CST5: variants seen among roughly 807,000 people sequenced by gnomAD.
CST5 encodes cystatin D.
Under a neutral mutation model 11.5 loss-of-function variants are expected in CST5, and 13 were observed. The ratio of observed to expected loss-of-function variants is 1.13; its 90% CI spans 0.73 to 1.79. CST5 has a LOEUF of 1.79. Among genes scored for constraint, CST5 ranks in the 40% most tolerant of loss-of-function variants. CST5 has a pLI of 0.00. For synonymous variants in CST5, 81 were observed against 67.6 expected (o/e 1.20, Z -0.97); for missense variants, 219 against 174.5 (o/e 1.25, Z -1.44).
chr20:23,876,113 C>T lies in CST5; in HGVS notation c.*75G>A, dbSNP rs1600455920. 1.0e-5 allele frequency: 13 copies of T among 1,242,252 alleles called. No individual in the cohort carries two copies. The highest frequency in any genetic ancestry group is 5.3e-5 in the South Asian group (4 of 76,082). The allele number at this position is 1,242,252 out of a possible 1,614,324, so 77.0% of individuals were successfully genotyped here. On this transcript the variant is annotated 3_prime_UTR_variant, in exon 3 of 3. Transcript: ENST00000304710. ...AGGAGACCTCCCCCAGGGTGGGGGC[C>T]ACCAGTCCAGGGGTGGGAGCACTAC...
intron 1 of CST5, among the ~76,000 whole-genome samples, chr20:23,877,946 C>A (rs1183846353): frequency 6.6e-6 from 1 of 152,220 alleles, no homozygotes; most frequent in African/African-American, 2.4e-5. Flanking sequence ...GGGGAACCAG[C>A]CAGGGTGGGA....
Position 23,879,679 on chromosome 20 carries a change from T to C in CST5, c.-3A>G. Reference sequence around the variant, plus strand: ...GGGGTGTGCATGGGCCACATCATGTTCTACTGGGACACAGAGCAAGGAGCT... The same window carrying C: ...GGGGTGTGCATGGGCCACATCATGTCCTACTGGGACACAGAGCAAGGAGCT... On this transcript the variant is annotated 5_prime_UTR_variant, in exon 1 of 3. Coordinates refer to ENST00000304710, the MANE Select transcript of CST5 (RefSeq NM_001900.5). The C allele has an allele frequency of 6.2e-7, 1 of 1,612,004 alleles. No individual in the cohort carries two copies. Among genetic ancestry groups the C allele is most frequent in the Non-Finnish European group, 8.5e-7 (1 of 1,178,512 alleles).
intron 2 of CST5, 93 bp from the exon 3 acceptor site, chr20:23,876,364 G>T (rs1320862983): frequency 9.6e-7 from 1 of 1,037,802 alleles, no homozygotes; most frequent in Non-Finnish European, 1.5e-6. Flanking sequence ...GGTGAAAATG[G>T]TTGGAGATGA....
At chr20:23,879,008 G>A (rs1348453856) in intron 1 of CST5, among the ~76,000 whole-genome samples, 1 of 152,222 alleles carries the variant, frequency 6.6e-6, no homozygotes, top group Non-Finnish European at 1.5e-5. Context: ...TAGCCATAAC[G>A]GGCTGTGCCC....
chr20:23,879,384 TG>T (rs546504521), intron 1 of CST5, 61 bp downstream of exon 1: 7 of 1,237,400 alleles, frequency 5.7e-6, no homozygotes, highest in South Asian at 1.2e-5. Flanking sequence ...GGGAGTGCTC[TG>T]GGGGGTGAGG....
rs1001812538 is a variant in CST5 at position 23,877,736 on chromosome 20, C to A, written c.232-118G>T. 100 of 787,864 alleles carry A rather than the reference C, an allele frequency of 1.3e-4. No individual in the cohort carries two copies. In the East Asian group the frequency reaches 2.6e-3, roughly 21 times the overall value. The allele number at this position is 787,864 out of a possible 1,614,324, so 48.8% of individuals were successfully genotyped here. A position where few individuals can be genotyped will look rare whatever the true frequency, so the allele number is the denominator to read the frequency against. On this transcript the variant is annotated intron_variant, in intron 1 of 2. Transcript: ENST00000304710. ...CTGGGGCTTCATGCCCACACTGTCACCCAAAAGGCACACAAGCCACCTTCT... is the reference window on the plus strand; with the variant it reads ...CTGGGGCTTCATGCCCACACTGTCAACCAAAAGGCACACAAGCCACCTTCT...
At chr20:23,877,025 T>A (rs150745005) in intron 2 of CST5, among the ~76,000 whole-genome samples, 2 of 152,142 alleles carry the variant, frequency 1.3e-5, no homozygotes, top group African/African-American at 4.8e-5. Context: ...AACAAATTCA[T>A]CACCCCTATC....
At chr20:23,878,174 C>T (rs1986004175) in intron 1 of CST5, among the ~76,000 whole-genome samples, 1 of 152,210 alleles carries the variant, frequency 6.6e-6, no homozygotes, top group Non-Finnish European at 1.5e-5. Flanking sequence ...TGCCATTTAA[C>T]CCAGAGGTAT....
At chr20:23,879,010 G>T (rs1359179502) in intron 1 of CST5, among the ~76,000 whole-genome samples, 1 of 152,214 alleles carries the variant, frequency 6.6e-6, no homozygotes, top group Non-Finnish European at 1.5e-5. Flanking sequence ...GCCATAACGG[G>T]CTGTGCCCAG....
intron 1 of CST5, 64 bp from the exon 2 acceptor site, chr20:23,877,682 C>T: frequency 8.2e-6 from 11 of 1,349,664 alleles, no homozygotes; most frequent in South Asian, 5.1e-5. Flanking sequence ...CACGCAGGCA[C>T]TTCACTGTGA....
rs759139068 is a variant in CST5 at position 23,877,554 on chromosome 20, T to C, written c.296A>G (p.Gln99Arg). 1 of 1,614,078 alleles carries C rather than the reference T, an allele frequency of 6.2e-7. No individual in the cohort carries two copies. The highest frequency in any genetic ancestry group is 1.1e-5 in the South Asian group (1 of 91,084). ...GAAGGGACAGTTGTCCAAGTTGGGC[T>C]GGGACTTGGTGCATGTGGTTCGACC... Reference protein sequence around the residue: ...KFGRTTCTKSQPNLDNCPFND... With the variant: ...KFGRTTCTKSRPNLDNCPFND... The change falls in exon 2 of 3, where the codon CAG (glutamine) becomes CGG (arginine). Residue 99 changes from glutamine (Q) to arginine (R), a missense_variant. Gln to Arg is a conservative substitution (Grantham distance 43, BLOSUM62 1). Coordinates refer to ENST00000304710, the MANE Select transcript of CST5 (RefSeq NM_001900.5).
At chr20:23,876,536 G>A (rs1237815404) in intron 2 of CST5, among the ~76,000 whole-genome samples, 1 of 152,190 alleles carries the variant, frequency 6.6e-6, no homozygotes, top group Non-Finnish European at 1.5e-5. Context: ...AGCCCTATGA[G>A]GAGCAGCCTG....
rs1314463755 is a variant in CST5 at position 23,877,610 on chromosome 20, A to G, written c.240T>C (p.Gly80=). The change falls in exon 2 of 3, where the codon GGT becomes GGC. Residue 80 remains glycine, a synonymous_variant. Transcript: ENST00000304710. ...TCACATTGAAGTAGTAGTTCACCCC[A>G]CCCACGATCTACACGCGTGGAAGAG... ...QVMAAYQQIV[G]GVNYYFNVKF... The G allele has an allele frequency of 1.4e-6, 2 of 1,438,646 alleles. No homozygotes were observed. The highest frequency in any genetic ancestry group is 1.8e-6 in the Non-Finnish European group (2 of 1,091,758). The allele number at this position is 1,438,646 out of a possible 1,614,324, so 89.1% of individuals were successfully genotyped here.
chr20:23,877,221 C>T (rs936421021), intron 2 of CST5, among the ~76,000 whole-genome samples: 2 of 151,986 alleles, frequency 1.3e-5, no homozygotes, highest in Non-Finnish European at 2.9e-5. Flanking sequence ...CACATGTGTA[C>T]ACCATCCCAC....
At chr20:23,877,077 T>C (rs965389191) in intron 2 of CST5, among the ~76,000 whole-genome samples, 2 of 152,126 alleles carry the variant, frequency 1.3e-5, no homozygotes, top group East Asian at 3.9e-4. Context: ...CTATATTAAC[T>C]CACAGCAACC....
chr20:23,876,514 C>T (rs1439496648), intron 2 of CST5, among the ~76,000 whole-genome samples: 1 of 152,188 alleles, frequency 6.6e-6, no homozygotes, highest in African/African-American at 2.4e-5. Flanking sequence ...TGCAGGATTC[C>T]TGTCCCAGCG....
At chr20:23,879,151 C>G (rs973627549) in intron 1 of CST5, among the ~76,000 whole-genome samples, 7 of 152,144 alleles carry the variant, frequency 4.6e-5, no homozygotes, top group Non-Finnish European at 7.4e-5. Flanking sequence ...GCATCAAGCC[C>G]ACCCAGAGTC....
chr20:23,877,481 C>A, intron 2 of CST5, 24 bp downstream of exon 2: 1 of 1,571,424 alleles, frequency 6.4e-7, no homozygotes, highest in Non-Finnish European at 8.8e-7. Flanking sequence ...TACTTGATGC[C>A]CCTGACCCAC....
At chr20:23,876,733 G>T (rs1305330584) in intron 2 of CST5, among the ~76,000 whole-genome samples, 1 of 152,190 alleles carries the variant, frequency 6.6e-6, no homozygotes, top group Admixed American at 6.5e-5. Flanking sequence ...GCTCTGCCTT[G>T]AGCAGAGACC....
Sources: allele counts gnomAD v4.1 joint callset (sites outside exome capture counted in the v4.1 genomes callset), GRCh38; gene constraint gnomAD v4.1.1; transcripts MANE v1.5; gene names NCBI Gene and HGNC (gene_info 2026-07-23, HGNC 2026-07-21).